The following GUCY1A2 variants were observed in gnomAD, a reference collection of about 807,000 sequenced individuals.
GUCY1A2 encodes the protein guanylate cyclase 1 soluble subunit alpha 2, also known as guanylate cyclase soluble subunit alpha-2.
A neutral mutation model predicts 63.5 loss-of-function variants in GUCY1A2; 27 were observed. The ratio of observed to expected loss-of-function variants is 0.43; its 90% CI spans 0.31 to 0.59. GUCY1A2 has a LOEUF of 0.59. GUCY1A2 is among the 20% of genes least tolerant of loss of function. The pLI, the probability that GUCY1A2 is intolerant of heterozygous loss-of-function variation, is 0.11. For missense variants in GUCY1A2, 768 were observed against 913.3 expected (o/e 0.84, Z 2.05); for synonymous variants, 364 against 343.5 (o/e 1.06, Z -0.66).
At chr11:106,808,132 A>T (rs1237978060) in intron 5 of GUCY1A2, among the ~76,000 whole-genome samples, 1 of 152,116 alleles carries the variant, frequency 6.6e-6, no homozygotes, top group Non-Finnish European at 1.5e-5. Context: ...CCTCTAGAGA[A>T]CCCTGATTAA....
intron 4 of GUCY1A2, among the ~76,000 whole-genome samples, chr11:106,892,026 A>T (rs1454858036): frequency 6.6e-6 from 1 of 152,110 alleles, no homozygotes. Flanking sequence ...TGAACATAGT[A>T]TATTTCAATA....
At chr11:106,785,236 G>C (rs887773412) in intron 5 of GUCY1A2, among the ~76,000 whole-genome samples, 2 of 152,024 alleles carry the variant, frequency 1.3e-5, no homozygotes, top group Non-Finnish European at 2.9e-5. Flanking sequence ...ACTTTTAAAG[G>C]AGAAGATGCA....
chr11:106,759,950 G>A (rs924769346), intron 6 of GUCY1A2, among the ~76,000 whole-genome samples: 1 of 152,114 alleles, frequency 6.6e-6, no homozygotes, highest in African/African-American at 2.4e-5. Flanking sequence ...AAACGAAAAG[G>A]AGAAATCTGG....
chr11:106,812,982 A>G (rs1051858232), intron 4 of GUCY1A2, among the ~76,000 whole-genome samples: 1 of 152,038 alleles, frequency 6.6e-6, no homozygotes, highest in Non-Finnish European at 1.5e-5. Context: ...TAATTGGAAA[A>G]TAATATAAAT....
At chr11:106,895,659 C>T (rs1860037379) in intron 4 of GUCY1A2, among the ~76,000 whole-genome samples, 1 of 152,110 alleles carries the variant, frequency 6.6e-6, no homozygotes, top group Admixed American at 6.6e-5. Flanking sequence ...ACTGTGAGTT[C>T]ATTAAACCTC....
intron 4 of GUCY1A2, among the ~76,000 whole-genome samples, chr11:106,861,096 G>A (rs868452115): frequency 2.0e-5 from 3 of 151,746 alleles, no homozygotes; most frequent in Non-Finnish European, 4.4e-5. Flanking sequence ...TTGAGTCCTC[G>A]CTCTAACCTA....
At chr11:106,998,404 T>A (rs1026430621) in intron 1 of GUCY1A2, among the ~76,000 whole-genome samples, 1 of 152,202 alleles carries the variant, frequency 6.6e-6, no homozygotes, top group Non-Finnish European at 1.5e-5. Flanking sequence ...TTACATCAGT[T>A]TAAATATCTT....
rs1199943455 is a variant in GUCY1A2 at position 106,675,719 on chromosome 11, A to T, written c.*11830T>A. On this transcript the variant is annotated 3_prime_UTR_variant, in exon 8 of 8. Coordinates refer to ENST00000526355, the MANE Select transcript of GUCY1A2 (RefSeq NM_000855.3). ...AAGTATTAAGATTGTCCATCATTTC[A>T]AGACAAAGGTTTTCTTAACAGTGAA... 1 of 186,552 alleles carries T rather than the reference A, an allele frequency of 5.4e-6. No homozygotes were observed. Among genetic ancestry groups the T allele is most frequent in the Non-Finnish European group, 1.1e-5 (1 of 90,488 alleles). 11.6% of individuals were successfully genotyped at this position (186,552 alleles called of 1,614,324 possible). A position where few individuals can be genotyped will look rare whatever the true frequency, so the allele number is the denominator to read the frequency against.
chr11:107,014,312 C>A (rs1207324776), intron 1 of GUCY1A2, among the ~76,000 whole-genome samples: 1 of 152,058 alleles, frequency 6.6e-6, no homozygotes. Flanking sequence ...TGGTCTCAAT[C>A]TCTTGACCTA....
intron 4 of GUCY1A2, among the ~76,000 whole-genome samples, chr11:106,836,057 C>T (rs1019285027): frequency 5.3e-5 from 8 of 151,872 alleles, no homozygotes; most frequent in African/African-American, 1.9e-4. Context: ...GTTTAAGAAA[C>T]AATTATGTAA....
At position 106,685,668 on chromosome 11, in the gene GUCY1A2, T is replaced by C. The variant is rs549485251; in HGVS notation, c.*1881A>G. 2 of 228,424 alleles carry C rather than the reference T, an allele frequency of 8.8e-6. No homozygotes were observed. The highest frequency in any genetic ancestry group is 5.7e-5 in the Admixed American group (1 of 17,618). The allele number at this position is 228,424 out of a possible 1,614,324, so 14.1% of individuals were successfully genotyped here. ...GCATTTTCTAATATAAGCATGAGGATTGAGGTGCTCCCAGTCTGCTCTGCT... is the reference window on the plus strand; with the variant it reads ...GCATTTTCTAATATAAGCATGAGGACTGAGGTGCTCCCAGTCTGCTCTGCT... On this transcript the variant is annotated 3_prime_UTR_variant, in exon 8 of 8. Transcript: ENST00000526355.
chr11:106,841,133 C>G (rs1859191051), intron 4 of GUCY1A2, among the ~76,000 whole-genome samples: 1 of 151,800 alleles, frequency 6.6e-6, no homozygotes, highest in Non-Finnish European at 1.5e-5. Context: ...TCTTTTCTCC[C>G]TGGGCCTTTT....
At position 106,773,402 on chromosome 11, in the gene GUCY1A2, A is replaced by G. The variant is rs567670681; in HGVS notation, c.1836+3037T>C. Among the ~76,000 whole-genome samples, 5 of 152,282 alleles carry G rather than the reference A, an allele frequency of 3.3e-5. No individual in the cohort carries two copies. In the East Asian group the frequency reaches 9.7e-4, roughly 29 times the overall value. On this transcript the variant is annotated intron_variant, in intron 6 of 7. Coordinates refer to ENST00000526355, the MANE Select transcript of GUCY1A2 (RefSeq NM_000855.3). ...CAACTATATGGTATACCAAGGTATA[A>G]ATATAACACAGTTTATCTATCCTAC...
At chr11:107,011,536 TA>T (rs1424565620) in intron 1 of GUCY1A2, among the ~76,000 whole-genome samples, 47 of 147,060 alleles carry the variant, frequency 3.2e-4, no homozygotes, top group Admixed American at 2.9e-3. Flanking sequence ...ATTTTTAATA[TA>T]TTAAATATAT....
intron 3 of GUCY1A2, among the ~76,000 whole-genome samples, chr11:106,954,046 C>T (rs1421684223): frequency 6.6e-6 from 1 of 152,006 alleles, no homozygotes. Context: ...TATCTCTTGT[C>T]TTCTGCTACC....
intron 4 of GUCY1A2, among the ~76,000 whole-genome samples, chr11:106,939,252 A>C (rs1431427601): frequency 3.9e-5 from 6 of 152,194 alleles, no homozygotes; most frequent in Admixed American, 3.3e-4. Context: ...TTATATGCTG[A>C]AATAAATTAA....
At chr11:107,000,495 A>C (rs1359719418) in intron 1 of GUCY1A2, among the ~76,000 whole-genome samples, 2 of 152,228 alleles carry the variant, frequency 1.3e-5, no homozygotes, top group African/African-American at 2.4e-5. Flanking sequence ...GAAGTAAAAG[A>C]CATTTTCATT....
chr11:106,822,182 A>G (rs1448951042), intron 4 of GUCY1A2, among the ~76,000 whole-genome samples: 1 of 152,172 alleles, frequency 6.6e-6, no homozygotes, highest in Non-Finnish European at 1.5e-5. Context: ...GAGAGCTGCT[A>G]AACTTAGTTT....
intron 1 of GUCY1A2, among the ~76,000 whole-genome samples, chr11:107,004,628 G>A (rs546783664): frequency 5.9e-5 from 9 of 152,166 alleles, no homozygotes; most frequent in Admixed American, 4.6e-4. Flanking sequence ...TTATAAGAGG[G>A]AAGACAGGTA....
Sources: gnomAD v4.1 joint callset for allele counts (sites outside exome capture counted in the v4.1 genomes callset) on GRCh38, gnomAD v4.1.1 for gene constraint, MANE v1.5 for transcripts, NCBI Gene and HGNC (gene_info 2026-07-23, HGNC 2026-07-21) for gene names.